Variants in RIGI observed in about 807,000 individuals in gnomAD.
RIGI encodes the protein antiviral innate immune response receptor RIG-I.
the RIGI span, among the ~76,000 whole-genome samples, chr9:32,496,232 G>T: frequency 6.6e-6 from 1 of 152,024 alleles, no homozygotes; most frequent in Admixed American, 6.5e-5. Flanking sequence ...TCTTATATTT[G>T]CTCTTTAATG....
At chr9:32,500,976 G>C in the RIGI span, 1 of 1,607,424 alleles carries the variant, frequency 6.2e-7, no homozygotes, top group African/African-American at 1.3e-5. Context: ...TCAAACTGCA[G>C]AACTATTAAT....
chr9:32,508,687 C>A, the RIGI span, among the ~76,000 whole-genome samples: 1 of 152,160 alleles, frequency 6.6e-6, no homozygotes, highest in East Asian at 1.9e-4. Context: ...TTTGGGCAGA[C>A]ACTGAGCTAG....
At chr9:32,487,609 C>T in the RIGI span, 1 of 1,614,146 alleles carries the variant, frequency 6.2e-7, no homozygotes, top group African/African-American at 1.3e-5. Context: ...TCCCCAACAC[C>T]AACCGAGGCA....
At chr9:32,475,330 A>G in the RIGI span, among the ~76,000 whole-genome samples, 3 of 152,194 alleles carry the variant, frequency 2.0e-5, no homozygotes, top group African/African-American at 7.2e-5. Flanking sequence ...AAATGTATAT[A>G]GAAAGGCAAA....
At chr9:32,490,220 T>G in the RIGI span, among the ~76,000 whole-genome samples, 1 of 151,886 alleles carries the variant, frequency 6.6e-6, no homozygotes, top group Non-Finnish European at 1.5e-5. Flanking sequence ...CCAAAAAAAA[T>G]ACAAAAATTA....
the RIGI span, among the ~76,000 whole-genome samples, chr9:32,499,493 T>C: frequency 1.3e-5 from 2 of 152,096 alleles, no homozygotes; most frequent in Non-Finnish European, 2.9e-5. Flanking sequence ...GTTTCACTCA[T>C]TGCCCAAGCT....
At chr9:32,477,187 AC>A in the RIGI span, 3 of 1,592,508 alleles carry the variant, frequency 1.9e-6, no homozygotes, top group Non-Finnish European at 2.6e-6. Context: ...TTTAGAACAC[AC>A]TGTGACCTTT....
At chr9:32,480,069 A>T in the RIGI span, 4 of 726,542 alleles carry the variant, frequency 5.5e-6, no homozygotes, top group African/African-American at 1.8e-5. Flanking sequence ...CATTGAAGCT[A>T]AATAGTCCTA....
chr9:32,466,401 A>G, the RIGI span: 1 of 1,613,596 alleles, frequency 6.2e-7, no homozygotes, highest in Non-Finnish European at 8.5e-7. Flanking sequence ...CAGCATTACT[A>G]GTCAGAAGGA....
At chr9:32,478,356 T>G in the RIGI span, among the ~76,000 whole-genome samples, 15 of 150,776 alleles carry the variant, frequency 9.9e-5, no homozygotes, top group Admixed American at 6.6e-5. Context: ...ATTGTTAAAT[T>G]TTATTACTTT....
chr9:32,491,318 T>G, the RIGI span: 1 of 1,613,302 alleles, frequency 6.2e-7, no homozygotes, highest in South Asian at 1.1e-5. Flanking sequence ...TGGACATGAA[T>G]TCTCACTAAG....
chr9:32,498,298 G>C, the RIGI span: 1 of 456,692 alleles, frequency 2.2e-6, no homozygotes, highest in Non-Finnish European at 4.4e-6. Flanking sequence ...CCCATAGAAA[G>C]GCATGAAGCT....
chr9:32,503,894 T>C, the RIGI span, among the ~76,000 whole-genome samples: 5 of 151,764 alleles, frequency 3.3e-5, no homozygotes, highest in Admixed American at 6.6e-5. Context: ...ATACACAAAT[T>C]AGCCAGGCGC....
chr9:32,525,113 C>A, the RIGI span, among the ~76,000 whole-genome samples: 1 of 152,172 alleles, frequency 6.6e-6, no homozygotes, highest in East Asian at 1.9e-4. Flanking sequence ...AATCAAGCAG[C>A]CAGCCAACAA....
chr9:32,457,810 G>A, the RIGI span, among the ~76,000 whole-genome samples: 1 of 152,180 alleles, frequency 6.6e-6, no homozygotes, highest in Non-Finnish European at 1.5e-5. Flanking sequence ...CAGGGAAAAC[G>A]ACCAAGGTCA....
At chr9:32,462,672 G>A in the RIGI span, among the ~76,000 whole-genome samples, 4 of 151,908 alleles carry the variant, frequency 2.6e-5, no homozygotes, top group African/African-American at 9.7e-5. Context: ...GCCTCCCAAA[G>A]TGCTGGCATT....
chr9:32,481,474 T>C, the RIGI span: 2 of 1,586,192 alleles, frequency 1.3e-6, no homozygotes, highest in Non-Finnish European at 1.7e-6. Flanking sequence ...CCAAATTCCC[T>C]ATTTTGAATT....
the RIGI span, chr9:32,487,498 C>T: frequency 1.2e-6 from 2 of 1,614,154 alleles, no homozygotes; most frequent in Non-Finnish European, 1.7e-6. Flanking sequence ...ACAACTTGCT[C>T]CAGTTCCTCC....
the RIGI span, among the ~76,000 whole-genome samples, chr9:32,508,371 T>C: frequency 6.7e-6 from 1 of 149,310 alleles, no homozygotes; most frequent in African/African-American, 2.5e-5. Flanking sequence ...AGAAGGCGGG[T>C]GATTTCTGCA....
Sources: allele counts gnomAD v4.1 joint callset (sites outside exome capture counted in the v4.1 genomes callset), GRCh38; gene constraint gnomAD v4.1.1; transcripts MANE v1.5; gene names NCBI Gene and HGNC (gene_info 2026-07-23, HGNC 2026-07-21).